The following GFRA1 variants were observed in gnomAD, a reference collection of about 807,000 sequenced individuals.
GFRA1 encodes the protein GDNF family receptor alpha-1.
Under a neutral mutation model 51.6 loss-of-function variants are expected in GFRA1, and 16 were observed. The ratio of observed to expected loss-of-function variants is 0.31; its 90% confidence interval spans 0.21 to 0.47. The LOEUF is 0.47. GFRA1 is among the 20% of genes least tolerant of loss of function. The pLI, the probability that GFRA1 is intolerant of heterozygous loss-of-function variation, is 1.00. For synonymous variants in GFRA1, 270 were observed against 241.3 expected (o/e 1.12, Z -1.10); for missense variants, 530 against 594.3 (o/e 0.89, Z 1.13).
chr10:116,148,846 A>T (rs1480460816), intron 5 of GFRA1, among the ~76,000 whole-genome samples: 2 of 152,248 alleles, frequency 1.3e-5, no homozygotes, highest in African/African-American at 4.8e-5. Flanking sequence ...GGCTGAACTA[A>T]AAATGGGACA....
intron 9 of GFRA1, among the ~76,000 whole-genome samples, chr10:116,071,072 G>A (rs1955368912): frequency 6.6e-6 from 1 of 152,184 alleles, no homozygotes; most frequent in Non-Finnish European, 1.5e-5. Context: ...CAGCAATGAA[G>A]GGATCCATTT....
intron 4 of GFRA1, among the ~76,000 whole-genome samples, chr10:116,236,741 C>G (rs906885077): frequency 6.6e-6 from 1 of 152,194 alleles, no homozygotes; most frequent in Admixed American, 6.5e-5. Flanking sequence ...TGTCTTCCCC[C>G]CAAAAGCTGG....
chr10:116,266,484 A>G (rs1233319645), intron 4 of GFRA1, among the ~76,000 whole-genome samples: 1 of 152,232 alleles, frequency 6.6e-6, no homozygotes, highest in Non-Finnish European at 1.5e-5. Context: ...TCAAGTCTCC[A>G]TTTGGCTTTA....
intron 9 of GFRA1, among the ~76,000 whole-genome samples, chr10:116,081,717 G>T (rs998802035): frequency 6.6e-6 from 1 of 152,202 alleles, no homozygotes; most frequent in Non-Finnish European, 1.5e-5. Context: ...AAAGCAAATT[G>T]TTCTGGGATC....
chr10:116,186,328 C>T (rs1417372504), intron 5 of GFRA1, among the ~76,000 whole-genome samples: 1 of 152,176 alleles, frequency 6.6e-6, no homozygotes, highest in South Asian at 2.1e-4. Flanking sequence ...CCCGAAGCAA[C>T]CTCCCCAAGG....
At chr10:116,147,864 C>T (rs1440405321) in intron 5 of GFRA1, among the ~76,000 whole-genome samples, 4 of 151,930 alleles carry the variant, frequency 2.6e-5, no homozygotes, top group Admixed American at 6.6e-5. Context: ...TATCCGCTTC[C>T]GGGGGACCCC....
rs1565643661 is a variant in GFRA1 at position 116,196,654 on chromosome 10, AT to A, written c.433+14976del. Among the ~76,000 whole-genome samples the A allele has an allele frequency of 2.3e-4, 11 of 47,744 alleles. 2 individuals are homozygous for A. The highest frequency in any genetic ancestry group is 6.8e-4 in the African/African-American group (8 of 11,840). The allele number at this position is 47,744 out of a possible 152,430, so 31.3% of individuals were successfully genotyped here. ...ATATATAGTACTATATATAATATAT[AT>A]ATAGTACTATATATAATATATATAA... On this transcript the variant is annotated intron_variant, in intron 5 of 10. Transcript: ENST00000355422.
chr10:116,123,083 G>A (rs1957712343), intron 6 of GFRA1, among the ~76,000 whole-genome samples: 1 of 152,230 alleles, frequency 6.6e-6, no homozygotes, highest in South Asian at 2.1e-4. Flanking sequence ...TGGACCCCGA[G>A]CAAAGCTCCC....
chr10:116,121,296 C>T (rs1302673307), intron 6 of GFRA1, among the ~76,000 whole-genome samples: 1 of 152,070 alleles, frequency 6.6e-6, no homozygotes, highest in African/African-American at 2.4e-5. Context: ...GGCACTGCTT[C>T]GGGGGAAGAC....
intron 5 of GFRA1, among the ~76,000 whole-genome samples, chr10:116,160,929 C>T (rs893125876): frequency 6.6e-6 from 1 of 152,190 alleles, no homozygotes; most frequent in African/African-American, 2.4e-5. Flanking sequence ...TAATTTACTG[C>T]TCAACTCCTC....
At chr10:116,137,802 G>A (rs1958395398) in intron 5 of GFRA1, among the ~76,000 whole-genome samples, 1 of 152,020 alleles carries the variant, frequency 6.6e-6, no homozygotes. Context: ...TGGGCTCTGT[G>A]TATTTATTAT....
At chr10:116,239,734 A>C (rs1489943580) in intron 4 of GFRA1, among the ~76,000 whole-genome samples, 1 of 152,226 alleles carries the variant, frequency 6.6e-6, no homozygotes, top group African/African-American at 2.4e-5. Flanking sequence ...TATCATCTTC[A>C]ACAAAAGGAG....
intron 5 of GFRA1, among the ~76,000 whole-genome samples, chr10:116,127,798 T>C (rs1194652901): frequency 6.6e-6 from 1 of 152,238 alleles, no homozygotes; most frequent in Non-Finnish European, 1.5e-5. Context: ...CAGTGATTTA[T>C]ATTCTTGAAA....
chr10:116,109,485 T>C (rs886760514), intron 6 of GFRA1, among the ~76,000 whole-genome samples: 2 of 152,184 alleles, frequency 1.3e-5, no homozygotes, highest in African/African-American at 4.8e-5. Flanking sequence ...TACTGTTCAG[T>C]AGGGCTCAAA....
chr10:116,183,084 G>C (rs2134281963), intron 5 of GFRA1, among the ~76,000 whole-genome samples: 1 of 152,322 alleles, frequency 6.6e-6, no homozygotes, highest in Non-Finnish European at 1.5e-5. Context: ...CAAGTCTTGA[G>C]TATTGAAAGG....
intron 4 of GFRA1, among the ~76,000 whole-genome samples, chr10:116,232,453 T>C (rs1966737668): frequency 6.6e-6 from 1 of 151,996 alleles, no homozygotes; most frequent in Non-Finnish European, 1.5e-5. Context: ...AAAAAAGTTC[T>C]CGGCCATTTT....
rs553553788 is a variant in GFRA1, at chr10:116,162,314, C to A, written c.434-36757G>T. 2.6e-5 allele frequency among the ~76,000 whole-genome samples: 4 copies of A among 152,272 alleles called. No homozygotes were observed. The South Asian group carries it at 8.3e-4, about 32-fold the overall frequency. The stretch of plus-strand genomic sequence containing the variant: ...GAAAGAGACCAGAGATCCGAAAGGA[C>A]CCACGAGAGCATTAACTAGTCTCAG... On this transcript the variant is annotated intron_variant, in intron 5 of 10. Transcript: ENST00000355422.
At chr10:116,101,652 T>C (rs1464227849) in intron 6 of GFRA1, among the ~76,000 whole-genome samples, 1 of 152,198 alleles carries the variant, frequency 6.6e-6, no homozygotes, top group Non-Finnish European at 1.5e-5. Flanking sequence ...TTTAGGAAAG[T>C]AGTGTGATGG....
chr10:116,129,927 A>G (rs1474604275), intron 5 of GFRA1, among the ~76,000 whole-genome samples: 1 of 151,882 alleles, frequency 6.6e-6, no homozygotes, highest in Non-Finnish European at 1.5e-5. Context: ...AATTATATAT[A>G]TTATGAAGTA....
Sources: allele counts gnomAD v4.1 joint callset (sites outside exome capture counted in the v4.1 genomes callset), GRCh38; gene constraint gnomAD v4.1.1; transcripts MANE v1.5; gene names NCBI Gene and HGNC (gene_info 2026-07-23, HGNC 2026-07-21).